The following CP variants were observed in gnomAD, a reference collection of about 807,000 sequenced individuals.
The protein encoded by CP is caeruloplasmin.
Under a neutral mutation model 122.4 loss-of-function variants are expected in CP, and 64 were observed. The ratio of observed to expected loss-of-function variants is 0.52; its 90% CI spans 0.43 to 0.64. The LOEUF (loss-of-function observed/expected upper bound fraction) is 0.64. Among genes scored for constraint, CP ranks in the 30% least tolerant of loss-of-function variants. The probability of loss-of-function intolerance (pLI) is 0.00; values close to 1 mark genes in which losing one functional copy is unlikely to be tolerated. For missense variants in CP, 1,167 were observed against 1,284.4 expected (o/e 0.91, Z 1.40); for synonymous variants, 440 against 436.4 (o/e 1.01, Z -0.10).
In CP at chr3:149,210,167, C is replaced by A. The variant is rs776771401; in HGVS notation, c.607G>T (p.Asp203Tyr). The A allele has an allele frequency of 1.9e-6, 3 of 1,613,762 alleles. No homozygotes were observed. The highest frequency in any genetic ancestry group is 1.7e-6 in the Non-Finnish European group (2 of 1,179,762). Residue 203 changes from aspartate (D) to tyrosine (Y), a missense_variant and splice_region_variant, in exon 3 of 19, where the codon GAT (aspartate) becomes TAT (tyrosine). By Grantham distance (160) the Asp-to-Tyr change is radical. Coordinates refer to ENST00000264613, the MANE Select transcript of CP (RefSeq NM_000096.4). ...LIGPLIICKK[D>Y]SLDKEKEKHI... is the part of the protein sequence containing the mutation. The stretch of plus-strand genomic sequence containing the variant: ...CATGTGCAATAAGGAGAAGATGTAC[C>A]TTTTTTACAGATTATTAAAGGTCCG...
chr3:149,163,190 G>A (rs1049156812), intron 5 of CP, among the ~76,000 whole-genome samples: 1 of 152,202 alleles, frequency 6.6e-6, no homozygotes, highest in Non-Finnish European at 1.5e-5. Flanking sequence ...TTCCTCAGCA[G>A]AGGATCATTA....
intron 9 of CP, among the ~76,000 whole-genome samples, chr3:149,193,607 T>A (rs905740149): frequency 2.6e-5 from 4 of 152,230 alleles, no homozygotes; most frequent in Admixed American, 6.5e-5. Context: ...AAAATGATAT[T>A]TTTTTAAAAA....
At chr3:149,191,243 ATTTTTTT>A (rs60907154) in intron 9 of CP, among the ~76,000 whole-genome samples, 2 of 107,072 alleles carry the variant, frequency 1.9e-5, no homozygotes, top group African/African-American at 3.7e-5. Flanking sequence ...TCATTACGCT[ATTTTTTT>A]TTTTTTTTTT....
intron 17 of CP, chr3:149,176,615 T>C (rs532075415): frequency 3.7e-5 from 20 of 545,272 alleles, no homozygotes; most frequent in Non-Finnish European, 6.6e-5. Context: ...CAAGTGGGTG[T>C]GAAAGAAAGA....
downstream of CP, chr3:149,168,015 A>T: frequency 8.0e-7 from 1 of 1,242,688 alleles, no homozygotes; most frequent in Non-Finnish European, 1.2e-6. Context: ...TTGATTATAA[A>T]CTTAAGTTTC....
In CP at chr3:149,167,115, C is replaced by T. The variant is rs1446775566; in HGVS notation, c.587-1065G>A. ...ACTTTCAGAAGACACTATTGCCGGCCTCAGTGTCCATGTTCTGTGTCGTAC... is the reference window on the plus strand; with the variant it reads ...ACTTTCAGAAGACACTATTGCCGGCTTCAGTGTCCATGTTCTGTGTCGTAC... On this transcript the variant is annotated intron_variant, in intron 4 of 5. Transcript: ENST00000479771. 9 of 1,613,560 alleles carry T rather than the reference C, an allele frequency of 5.6e-6. No individual in the cohort carries two copies. Among genetic ancestry groups the T allele is most frequent in the Non-Finnish European group, 6.8e-6 (8 of 1,179,504 alleles).
At chr3:149,219,071 A>G (rs1419627076) in intron 1 of CP, among the ~76,000 whole-genome samples, 1 of 152,162 alleles carries the variant, frequency 6.6e-6, no homozygotes, top group African/African-American at 2.4e-5. Context: ...GCACACATCT[A>G]TGCAAAAAGT....
At chr3:149,199,354 AT>A (rs974713653) in intron 8 of CP, among the ~76,000 whole-genome samples, 2 of 152,190 alleles carry the variant, frequency 1.3e-5, no homozygotes, top group Admixed American at 6.5e-5. Flanking sequence ...GATAATTAGT[AT>A]TTTTTGCTAC....
chr3:149,215,412 A>G (rs1728405353), intron 1 of CP, among the ~76,000 whole-genome samples: 1 of 152,236 alleles, frequency 6.6e-6, no homozygotes, highest in African/African-American at 2.4e-5. Flanking sequence ...TGGGGGGGTT[A>G]AAATTGCTTT....
intron 14 of CP, 31 bp downstream of exon 14, chr3:149,181,974 G>GGGGGGGGGGGGGCC: frequency 7.4e-7 from 1 of 1,356,688 alleles, no homozygotes; most frequent in Non-Finnish European, 1.0e-6. Context: ...CTGTTAAAAT[G>GGGGGGGGGGGGGCC]CACCACCCCC....
chr3:149,202,336 A>C (rs537914109), intron 6 of CP, 95 bp from the exon 7 acceptor site: 10 of 1,485,432 alleles, frequency 6.7e-6, no homozygotes, highest in Non-Finnish European at 9.3e-6. Context: ...AATTCTGACC[A>C]GTGCTTAGAG....
At position 149,172,584 on chromosome 3, in the gene CP, G is replaced by T. The variant is rs1466286404; in HGVS notation, c.*1130C>A. On this transcript the variant is annotated 3_prime_UTR_variant, in exon 19 of 19. Coordinates refer to ENST00000264613, the MANE Select transcript of CP (RefSeq NM_000096.4). ...GACATGACAATCATTTTCATCCCAAGAACACTTTAAGGAAACATTTTACAA... is the reference window on the plus strand; with the variant it reads ...GACATGACAATCATTTTCATCCCAATAACACTTTAAGGAAACATTTTACAA... 1.1e-5 allele frequency: 2 copies of T among 174,984 alleles called. No individual in the cohort carries two copies. The highest frequency in any genetic ancestry group is 1.1e-4 in the Admixed American group (2 of 17,574). The allele number at this position is 174,984 out of a possible 1,614,324, so 10.8% of individuals were successfully genotyped here.
chr3:149,167,816 A>G, downstream of CP: 1 of 904,856 alleles, frequency 1.1e-6, no homozygotes, highest in East Asian at 2.4e-5. Flanking sequence ...GCTTTCCTGC[A>G]CAATCTTCTT....
chr3:149,198,288 G>A (rs1727032594), intron 9 of CP, 79 bp downstream of exon 9: 2 of 1,120,124 alleles, frequency 1.8e-6, no homozygotes, highest in African/African-American at 3.1e-5. Flanking sequence ...AGATAATGAT[G>A]AGGTTAGATA....
rs902483669 is a variant in CP at position 149,206,176 on chromosome 3, T to C, written c.1200A>G (p.Ala400=). The C allele has an allele frequency of 1.2e-6, 2 of 1,613,688 alleles. No individual in the cohort carries two copies. Among genetic ancestry groups the C allele is most frequent in the African/African-American group, 2.7e-5 (2 of 74,896 alleles). The part of the protein sequence containing the change: ...IDIFTKENLT[A]PGSDSAVFFE... ...CTTTTTTTGTAAATTACCTTCCAGG[T>C]GCTGTTAAGTTTTCTTTAGTGAAGA... The change falls in exon 6 of 19, where the codon GCA becomes GCG. Residue 400 remains alanine (A), a synonymous_variant. Transcript: ENST00000264613.
chr3:149,203,995 T>C (rs144436049), intron 6 of CP, among the ~76,000 whole-genome samples: 53 of 152,244 alleles, frequency 3.5e-4, no homozygotes, highest in African/African-American at 1.2e-3. Flanking sequence ...GAAGTGTGTG[T>C]GTAGCGCAGA....
At chr3:149,197,871 G>C (rs1202105588) in intron 9 of CP, among the ~76,000 whole-genome samples, 1 of 152,178 alleles carries the variant, frequency 6.6e-6, no homozygotes, top group East Asian at 1.9e-4. Context: ...ACTTCCTGCT[G>C]TGCAGCCCAG....
intron 1 of CP, among the ~76,000 whole-genome samples, chr3:149,216,128 T>G (rs1280303026): frequency 1.3e-5 from 2 of 152,194 alleles, no homozygotes; most frequent in African/African-American, 4.8e-5. Flanking sequence ...GACATATATT[T>G]TTTATTGCTG....
At chr3:149,192,309 T>A (rs983631386) in intron 9 of CP, among the ~76,000 whole-genome samples, 4 of 152,024 alleles carry the variant, frequency 2.6e-5, no homozygotes, top group Non-Finnish European at 4.4e-5. Context: ...AATAGATTTG[T>A]TAATATATAA....
Sources: gnomAD v4.1 joint callset for allele counts (sites outside exome capture counted in the v4.1 genomes callset) on GRCh38, gnomAD v4.1.1 for gene constraint, MANE v1.5 for transcripts, NCBI Gene and HGNC (gene_info 2026-07-23, HGNC 2026-07-21) for gene names.